The following RYR3 variants were observed in gnomAD, a reference collection of about 807,000 sequenced individuals.
RYR3 encodes the protein brain ryanodine receptor-calcium release channel.
Under a neutral mutation model 584.3 loss-of-function variants are expected in RYR3, and 207 were observed. That is an observed-to-expected ratio of 0.35 (90% CI 0.32 to 0.40). The LOEUF is 0.40. RYR3 is among the 10% of genes least tolerant of loss of function. RYR3 has a pLI of 1.00. For synonymous variants in RYR3, 2,416 were observed against 2,248.5 expected, an observed-to-expected ratio of 1.07 and a Z score of -2.11; for missense variants, 5,616 against 6,089.2, an observed-to-expected ratio of 0.92 and a Z score of 2.59.
intron 1 of RYR3, among the ~76,000 whole-genome samples, chr15:33,472,992 C>G (rs1304664074): frequency 6.6e-6 from 1 of 152,196 alleles, no homozygotes; most frequent in Non-Finnish European, 1.5e-5. Flanking sequence ...CCAACACTTT[C>G]CCTCCACTCA....
At chr15:33,487,059 G>A (rs1364341785) in intron 2 of RYR3, among the ~76,000 whole-genome samples, 2 of 152,080 alleles carry the variant, frequency 1.3e-5, no homozygotes, top group African/African-American at 4.8e-5. Flanking sequence ...TTAGCCAGGT[G>A]TGGTGGTGGG....
At chr15:33,830,865 A>G (rs2077635418) in intron 85 of RYR3, 98 bp from the exon 86 acceptor site, 1 of 1,282,682 alleles carries the variant, frequency 7.8e-7, no homozygotes, top group Admixed American at 2.3e-5. Context: ...CAAAGAGGTC[A>G]TAGAGATGCA....
At chr15:33,353,769 G>T (rs1973589929) in intron 1 of RYR3, among the ~76,000 whole-genome samples, 1 of 152,016 alleles carries the variant, frequency 6.6e-6, no homozygotes, top group Non-Finnish European at 1.5e-5. Context: ...ACAGTCTAAT[G>T]GTGATTTTTT....
At position 33,594,162 on chromosome 15, in the gene RYR3, G is replaced by A. The variant is rs535028466; in HGVS notation, c.1789-7257G>A. Reference sequence around the variant, plus strand: ...CATGGACTGTGTACACAAAATATGAGGCCATTTGTTCCAAGGGCTTTATTG... The same window carrying A: ...CATGGACTGTGTACACAAAATATGAAGCCATTTGTTCCAAGGGCTTTATTG... On this transcript the variant is annotated intron_variant, in intron 16 of 103. Coordinates refer to ENST00000634891, the MANE Select transcript of RYR3 (RefSeq NM_001036.6). Among the ~76,000 whole-genome samples the A allele has an allele frequency of 1.6e-4, 25 of 152,230 alleles. 1 individual carries two copies. In the South Asian group the frequency reaches 5.0e-3, roughly 30 times the overall value.
At chr15:33,584,148 G>T (rs937238348) in intron 14 of RYR3, among the ~76,000 whole-genome samples, 5 of 152,080 alleles carry the variant, frequency 3.3e-5, no homozygotes, top group Admixed American at 2.0e-4. Context: ...TGAGGCGAGA[G>T]GATCACTTAA....
chr15:33,658,650 T>TA (rs2062960748), intron 32 of RYR3, among the ~76,000 whole-genome samples: 1 of 152,232 alleles, frequency 6.6e-6, no homozygotes. Context: ...TTGGTGGAAT[T>TA]AAAGTCCCAG....
rs2069747246 is a variant in RYR3 at position 33,738,603 on chromosome 15, C to G, written c.7656+13C>G. The G allele has an allele frequency of 1.2e-6, 2 of 1,613,092 alleles. No homozygotes were observed. The highest frequency in any genetic ancestry group is 2.2e-5 in the South Asian group (2 of 90,978). The stretch of plus-strand genomic sequence containing the variant: ...GCTCTCCCATAAGGTAATGACAGTA[C>G]TTTCTGAACAAAAAGAGAGCATCTC... On this transcript the variant is annotated intron_variant, in intron 50 of 103. Coordinates refer to ENST00000634891, the MANE Select transcript of RYR3 (RefSeq NM_001036.6).
At position 33,648,161 on chromosome 15, in the gene RYR3, C is replaced by G. The variant is rs111918204; in HGVS notation, c.3978+701C>G. Among the ~76,000 whole-genome samples, 104 of 152,186 alleles carry G rather than the reference C, an allele frequency of 6.8e-4. 1 individual carries two copies. Among genetic ancestry groups the G allele is most frequent in the African/African-American group, 2.1e-3 (88 of 41,524 alleles). On this transcript the variant is annotated intron_variant, in intron 30 of 103. Coordinates refer to ENST00000634891, the MANE Select transcript of RYR3 (RefSeq NM_001036.6). ...CTGTGCTCGGCACATTGTTGCCTTCCCATTTAATCTCCATTTAAAATTAAT... is the reference window on the plus strand; with the variant it reads ...CTGTGCTCGGCACATTGTTGCCTTCGCATTTAATCTCCATTTAAAATTAAT...
chr15:33,772,097 C>G lies in RYR3; in HGVS notation c.8994C>G (p.Leu2998=). ...TTAACTACACTACAGTGGCTCTGCT[C>G]CCCATCCTGACGTCCATCTTTGAGC... is the stretch of plus-strand genomic sequence containing the variant. ...QNINYTTVAL[L]PILTSIFEHV... Residue 2998 remains leucine, a synonymous_variant, in exon 63 of 104, where the codon CTC becomes CTG. Transcript: ENST00000634891. 1 of 1,613,744 alleles carries G rather than the reference C, an allele frequency of 6.2e-7. No individual in the cohort carries two copies. Among genetic ancestry groups the G allele is most frequent in the Non-Finnish European group, 8.5e-7 (1 of 1,179,784 alleles).
In RYR3 at chr15:33,311,580, G is replaced by A. The variant is rs555137168; in HGVS notation, c.51+484G>A. Among the ~76,000 whole-genome samples the A allele has an allele frequency of 2.0e-4, 31 of 152,210 alleles. No individual in the cohort carries two copies. Among genetic ancestry groups the A allele is most frequent in the Middle Eastern group, 3.2e-3 (1 of 316 alleles). The stretch of plus-strand genomic sequence containing the variant: ...GCCAGCGGGGCAGGGGGGAGTGTGG[G>A]GAGCCGGGTCGGAGAAGCGGGCGCA... On this transcript the variant is annotated intron_variant, in intron 1 of 103. Transcript: ENST00000634891. The surrounding 1 kb of genome is among the most constrained non-coding windows in gnomAD (Gnocchi z 4.4).
chr15:33,609,147 A>C (rs1204656680), intron 18 of RYR3, among the ~76,000 whole-genome samples: 1 of 152,252 alleles, frequency 6.6e-6, no homozygotes, highest in African/African-American at 2.4e-5. Flanking sequence ...TATGATTCTT[A>C]GAACATTAAA....
Position 33,845,832 on chromosome 15 carries a change from A to C in RYR3, c.13497+770A>C, listed in dbSNP as rs1264094723. Among the ~76,000 whole-genome samples the C allele has an allele frequency of 2.6e-5, 4 of 152,252 alleles. No individual in the cohort carries two copies. The East Asian group carries it at 7.7e-4, about 29-fold the overall frequency. On this transcript the variant is annotated intron_variant, in intron 93 of 103. Transcript: ENST00000634891. ...AAAGCTTACTGATGTGTTAGTTTTCAGTTATCCATTGCTGCATAACAAACC... is the reference window on the plus strand; with the variant it reads ...AAAGCTTACTGATGTGTTAGTTTTCCGTTATCCATTGCTGCATAACAAACC...
At chr15:33,602,983 C>G (rs1475041404) in intron 17 of RYR3, 140 bp from the exon 18 acceptor site, 1 of 869,772 alleles carries the variant, frequency 1.1e-6, no homozygotes, top group Non-Finnish European at 1.8e-6. Flanking sequence ...GAGATCCCTC[C>G]CATCTTTTGA....
intron 1 of RYR3, among the ~76,000 whole-genome samples, chr15:33,397,055 C>CATTTGATTT (rs367843645): frequency 8.5e-5 from 13 of 152,268 alleles, no homozygotes; most frequent in African/African-American, 3.1e-4. Flanking sequence ...GGCAACAATA[C>CATTTGATTT]ATTTGATTTT....
chr15:33,341,952 A>G (rs958202660), intron 1 of RYR3, among the ~76,000 whole-genome samples: 1 of 152,254 alleles, frequency 6.6e-6, no homozygotes, highest in Non-Finnish European at 1.5e-5. Context: ...ATGCAAAGCC[A>G]CAAAGCAAAT....
intron 45 of RYR3, among the ~76,000 whole-genome samples, chr15:33,725,531 T>C (rs927899145): frequency 6.6e-6 from 1 of 152,158 alleles, no homozygotes; most frequent in Non-Finnish European, 1.5e-5. Context: ...TGGATCGGGC[T>C]ACTCAAGCCG....
At chr15:33,407,436 C>T (rs1258209305) in intron 1 of RYR3, among the ~76,000 whole-genome samples, 1 of 152,114 alleles carries the variant, frequency 6.6e-6, no homozygotes, top group Admixed American at 6.5e-5. Context: ...GAGTTGCAGG[C>T]AGCAGGAACA....
intron 86 of RYR3, among the ~76,000 whole-genome samples, chr15:33,832,612 G>T (rs548736872): frequency 6.7e-6 from 1 of 150,014 alleles, no homozygotes; most frequent in African/African-American, 2.5e-5. Flanking sequence ...AGCCGAGATC[G>T]CGCCATTGCA....
chr15:33,813,409 A>G, intron 73 of RYR3, 58 bp from the exon 74 acceptor site: 1 of 1,456,838 alleles, frequency 6.9e-7, no homozygotes, highest in African/African-American at 1.4e-5. Context: ...ACAGGTGACT[A>G]GCTTCTGCCA....
Sources: gnomAD v4.1 joint callset for allele counts (sites outside exome capture counted in the v4.1 genomes callset) on GRCh38, gnomAD v4.1.1 for gene constraint, Gnocchi (gnomAD v3.1) non-coding constraint, MANE v1.5 for transcripts, NCBI Gene and HGNC (gene_info 2026-07-23, HGNC 2026-07-21) for gene names.